Variants in DPP6 observed in about 807,000 individuals in gnomAD.
DPP6 encodes the protein dipeptidyl peptidase like 6.
A neutral mutation model predicts 122.6 loss-of-function variants in DPP6; 69 were observed. The ratio of observed to expected loss-of-function variants is 0.56; its 90% CI spans 0.46 to 0.69. The LOEUF (loss-of-function observed/expected upper bound fraction) is 0.69, where lower values mean the gene tolerates loss of function less well. Among genes scored for constraint, DPP6 ranks in the 30% least tolerant of loss-of-function variants. The probability of loss-of-function intolerance (pLI) is 0.00; values close to 1 mark genes in which losing one functional copy is unlikely to be tolerated. For missense variants in DPP6, 928 were observed against 1,116.9 expected (o/e 0.83, Z 2.41); for synonymous variants, 418 against 433.1 (o/e 0.97, Z 0.43).
intron 1 of DPP6, among the ~76,000 whole-genome samples, chr7:154,375,483 C>T (rs1813052821): frequency 6.6e-6 from 1 of 152,106 alleles, no homozygotes; most frequent in African/African-American, 2.4e-5. Context: ...CTCCACTGTG[C>T]TAGTATTTGG....
chr7:153,876,336 G>A, the DPP6 span, among the ~76,000 whole-genome samples: 1 of 151,758 alleles, frequency 6.6e-6, no homozygotes, highest in Non-Finnish European at 1.5e-5. Flanking sequence ...TGTCATTTCA[G>A]AATATACATC....
chr7:154,555,778 A>G (rs992125090), intron 4 of DPP6, among the ~76,000 whole-genome samples: 1 of 152,026 alleles, frequency 6.6e-6, no homozygotes, highest in Non-Finnish European at 1.5e-5. Flanking sequence ...TCCATTCACA[A>G]TAAGAACAAA....
Position 154,324,867 on chromosome 7 carries a change from A to ATTTTTTTTT in DPP6, c.244-121339_244-121331dup, listed in dbSNP as rs143944650. On this transcript the variant is annotated intron_variant, in intron 1 of 25. Transcript: ENST00000377770. ...TCTTTCTTTCTTCTTTCCTTTTGTT[A>ATTTTTTTTT]TTTTTTTTTTTTTTTTGAGTCTTGC... Among the ~76,000 whole-genome samples the ATTTTTTTTT allele has an allele frequency of 2.6e-4, 29 of 113,062 alleles. 2 individuals are homozygous for ATTTTTTTTT. The highest frequency in any genetic ancestry group is 7.1e-4 in the African/African-American group (21 of 29,584). 74.2% of individuals were successfully genotyped at this position (113,062 alleles called of 152,430 possible). A position where few individuals can be genotyped will look rare whatever the true frequency, so the allele number is the denominator to read the frequency against.
intron 12 of DPP6, among the ~76,000 whole-genome samples, chr7:154,796,387 G>A (rs528893821): frequency 6.6e-6 from 1 of 152,196 alleles, no homozygotes; most frequent in South Asian, 2.1e-4. Context: ...CTCAGATAAA[G>A]GAACACACAT....
chr7:153,765,711 C>G, the DPP6 span, among the ~76,000 whole-genome samples: 12 of 152,286 alleles, frequency 7.9e-5, no homozygotes, highest in Middle Eastern at 3.4e-3. Context: ...GTGGAGGACA[C>G]AGCTTCTTAT....
chr7:154,661,909 C>T (rs1191640897), intron 6 of DPP6, among the ~76,000 whole-genome samples: 16 of 106,220 alleles, frequency 1.5e-4, no homozygotes, highest in East Asian at 9.1e-4. Flanking sequence ...GTAGTGTTCA[C>T]GCAGTCATGG....
intron 1 of DPP6, among the ~76,000 whole-genome samples, chr7:154,151,859 C>T (rs1281254148): frequency 2.6e-5 from 4 of 151,942 alleles, no homozygotes; most frequent in Non-Finnish European, 1.5e-5. Flanking sequence ...AGCAACATTT[C>T]CCTGGGGCTG....
chr7:154,559,294 T>C (rs1446556532), intron 4 of DPP6, among the ~76,000 whole-genome samples: 2 of 137,818 alleles, frequency 1.5e-5, no homozygotes, highest in African/African-American at 5.4e-5. Context: ...AACCCCTAAA[T>C]TGTAAGCAGT....
At chr7:153,945,710 C>G (rs140538290) in intron 1 of DPP6, among the ~76,000 whole-genome samples, 166 of 152,180 alleles carry the variant, frequency 1.1e-3, no homozygotes, top group African/African-American at 3.6e-3. Flanking sequence ...TTCTCAGAAG[C>G]AGTTTTGTGA....
At chr7:154,579,169 C>T (rs1043732512) in intron 5 of DPP6, among the ~76,000 whole-genome samples, 16 of 151,968 alleles carry the variant, frequency 1.1e-4, no homozygotes, top group Admixed American at 2.6e-4. Flanking sequence ...GCCAACATGG[C>T]GAAACCCCAT....
At chr7:154,607,383 C>T (rs1169451889) in intron 5 of DPP6, among the ~76,000 whole-genome samples, 2 of 114,980 alleles carry the variant, frequency 1.7e-5, no homozygotes, top group African/African-American at 5.5e-5. Context: ...CACGCTGAAA[C>T]CCCCCGTCTC....
chr7:153,899,407 A>T (rs536492285), intron 1 of DPP6, among the ~76,000 whole-genome samples: 2 of 152,258 alleles, frequency 1.3e-5, no homozygotes, highest in African/African-American at 4.8e-5. Context: ...CACTAAAGAG[A>T]GCTGGGGAGA....
chr7:154,854,865 C>T (rs1802699062), intron 17 of DPP6, among the ~76,000 whole-genome samples: 1 of 152,210 alleles, frequency 6.6e-6, no homozygotes, highest in Non-Finnish European at 1.5e-5. Flanking sequence ...AGCCCTCCCT[C>T]TGTCTAACCC....
At chr7:154,113,412 T>TATATATATATACACACAC (rs1472172445) in intron 1 of DPP6, among the ~76,000 whole-genome samples, 6 of 141,886 alleles carry the variant, frequency 4.2e-5, no homozygotes, top group African/African-American at 1.5e-4. Context: ...TATATATATA[T>TATATATATATACACACAC]ACACACACAC....
intron 1 of DPP6, among the ~76,000 whole-genome samples, chr7:154,384,989 T>A (rs1212046660): frequency 6.6e-6 from 1 of 152,112 alleles, no homozygotes; most frequent in Non-Finnish European, 1.5e-5. Flanking sequence ...TATTTATTTA[T>A]TTTGAGAGGG....
chr7:154,297,079 T>G (rs112234536), intron 1 of DPP6, among the ~76,000 whole-genome samples: 18 of 128,478 alleles, frequency 1.4e-4, no homozygotes, highest in Admixed American at 2.3e-4. Context: ...TTTTTTTTGT[T>G]TTGTTTTTCT....
intron 1 of DPP6, among the ~76,000 whole-genome samples, chr7:153,889,202 G>C (rs1014774860): frequency 2.0e-5 from 3 of 152,108 alleles, no homozygotes; most frequent in Non-Finnish European, 4.4e-5. Flanking sequence ...CGCAGTCCTC[G>C]GTCCGTGGGT....
chr7:154,757,332 G>A (rs574876604), intron 8 of DPP6, among the ~76,000 whole-genome samples: 2 of 152,298 alleles, frequency 1.3e-5, no homozygotes, highest in South Asian at 2.1e-4. Context: ...CCCTCCCTGC[G>A]AGGCCCTGCA....
intron 1 of DPP6, chr7:154,058,435 C>G (rs1284399669): frequency 7.2e-6 from 1 of 138,286 alleles, no homozygotes; most frequent in Non-Finnish European, 1.6e-5. Flanking sequence ...GGACTGAGAG[C>G]TATCCTCTCT....
Sources: gnomAD v4.1 joint callset for allele counts (sites outside exome capture counted in the v4.1 genomes callset) on GRCh38, gnomAD v4.1.1 for gene constraint, MANE v1.5 for transcripts, NCBI Gene and HGNC (gene_info 2026-07-23, HGNC 2026-07-21) for gene names.